PDE8B: variants seen among roughly 807,000 people sequenced by gnomAD.
PDE8B encodes the protein phosphodiesterase 8B.
A neutral mutation model predicts 101.3 loss-of-function variants in PDE8B; 26 were observed. The ratio of observed to expected loss-of-function variants is 0.26; its 90% CI spans 0.19 to 0.36. PDE8B has a LOEUF of 0.36. PDE8B is among the 10% of genes least tolerant of loss of function. PDE8B has a pLI of 1.00. For missense variants in PDE8B, 810 were observed against 1,163.1 expected (o/e 0.70, Z 4.42); for synonymous variants, 424 against 429.3 (o/e 0.99, Z 0.15).
intron 10 of PDE8B, among the ~76,000 whole-genome samples, chr5:77,378,592 G>A (rs951122673): frequency 6.6e-6 from 1 of 151,468 alleles, no homozygotes; most frequent in Non-Finnish European, 1.5e-5. Context: ...ATGGCAAAAT[G>A]TAGATTCCAA....
At chr5:77,260,068 G>A (rs1760151296) in intron 1 of PDE8B, among the ~76,000 whole-genome samples, 2 of 149,320 alleles carry the variant, frequency 1.3e-5, no homozygotes, top group South Asian at 4.2e-4. Context: ...GGAGGCTGAG[G>A]CAGGAGAATC....
chr5:77,226,215 A>T (rs1414797999), intron 1 of PDE8B, among the ~76,000 whole-genome samples: 1 of 147,830 alleles, frequency 6.8e-6, no homozygotes, highest in Non-Finnish European at 1.5e-5. Context: ...ATTCAGAGAC[A>T]TTTAGATTTT....
At chr5:77,387,961 A>G (rs996892089) in intron 10 of PDE8B, among the ~76,000 whole-genome samples, 7 of 152,152 alleles carry the variant, frequency 4.6e-5, no homozygotes, top group African/African-American at 1.7e-4. Context: ...TGGTTATTCT[A>G]GATAGCAATT....
At chr5:77,308,400 GGA>G (rs1368707517) in intron 1 of PDE8B, among the ~76,000 whole-genome samples, 9 of 152,174 alleles carry the variant, frequency 5.9e-5, no homozygotes, top group African/African-American at 2.2e-4. Flanking sequence ...GAGGCTGGGA[GGA>G]GAGAGGCAAA....
chr5:77,196,899 T>C, the PDE8B span, among the ~76,000 whole-genome samples: 1 of 152,140 alleles, frequency 6.6e-6, no homozygotes, highest in Non-Finnish European at 1.5e-5. Flanking sequence ...AAAATATTTC[T>C]TCTTGAGTAT....
chr5:77,372,565 C>T lies in PDE8B; in HGVS notation c.1167+19159C>T, dbSNP rs913418322. Reference sequence around the variant, plus strand: ...GTATCGTGGCCTGGAATTTTTTATGCGGAAAGATTTTTCATAAGAAGATCT... The same window carrying T: ...GTATCGTGGCCTGGAATTTTTTATGTGGAAAGATTTTTCATAAGAAGATCT... On this transcript the variant is annotated intron_variant, in intron 10 of 21. Transcript: ENST00000264917. Among the ~76,000 whole-genome samples the T allele has an allele frequency of 1.2e-4, 19 of 152,110 alleles. 1 individual carries two copies. The highest frequency in any genetic ancestry group is 8.3e-4 in the South Asian group (4 of 4,828).
At chr5:77,106,019 T>A in the PDE8B span, 6 of 152,354 alleles carry the variant, frequency 3.9e-5, no homozygotes, top group African/African-American at 1.4e-4. Flanking sequence ...ATTTAATTGG[T>A]CTGCCTTCAC....
chr5:77,414,850 A>C (rs1795224035), intron 17 of PDE8B, among the ~76,000 whole-genome samples: 1 of 152,168 alleles, frequency 6.6e-6, no homozygotes, highest in East Asian at 1.9e-4. Context: ...TGCAGTCTTG[A>C]GTTAGAGGTG....
At chr5:77,350,706 C>T (rs971143221) in intron 8 of PDE8B, among the ~76,000 whole-genome samples, 1 of 152,164 alleles carries the variant, frequency 6.6e-6, no homozygotes, top group East Asian at 1.9e-4. Context: ...GTTTACCCAC[C>T]TGTAAATTTA....
intron 1 of PDE8B, among the ~76,000 whole-genome samples, chr5:77,257,897 A>C (rs922512781): frequency 6.6e-6 from 1 of 152,102 alleles, no homozygotes; most frequent in Non-Finnish European, 1.5e-5. Flanking sequence ...GTTCGGCTAC[A>C]TGCAACACTC....
At chr5:77,383,302 A>G (rs1787886895) in intron 10 of PDE8B, among the ~76,000 whole-genome samples, 1 of 151,978 alleles carries the variant, frequency 6.6e-6, no homozygotes, top group African/African-American at 2.4e-5. Context: ...TTTTTCTTGT[A>G]AATTTGTTTA....
At chr5:77,327,257 TC>T (rs1291210734) in intron 3 of PDE8B, among the ~76,000 whole-genome samples, 1 of 152,138 alleles carries the variant, frequency 6.6e-6, no homozygotes, top group Admixed American at 6.5e-5. Flanking sequence ...CTAACATGCG[TC>T]CTTGAGCCTC....
the PDE8B span, among the ~76,000 whole-genome samples, chr5:77,161,406 T>C: frequency 6.6e-6 from 1 of 152,200 alleles, no homozygotes; most frequent in Non-Finnish European, 1.5e-5. Context: ...ATCATTTTGA[T>C]TATACATTTG....
chr5:77,271,371 T>G (rs964155476), intron 1 of PDE8B, among the ~76,000 whole-genome samples: 1 of 152,190 alleles, frequency 6.6e-6, no homozygotes, highest in African/African-American at 2.4e-5. Context: ...GGCTGGTACG[T>G]GATCTTGAGA....
At chr5:77,411,328 C>G (rs1166457191) in intron 14 of PDE8B, among the ~76,000 whole-genome samples, 1 of 152,106 alleles carries the variant, frequency 6.6e-6, no homozygotes, top group Non-Finnish European at 1.5e-5. Context: ...AGGGGGATCC[C>G]GTCAAGATCT....
At chr5:77,323,958 T>C (rs1775563408) in intron 2 of PDE8B, among the ~76,000 whole-genome samples, 1 of 152,140 alleles carries the variant, frequency 6.6e-6, no homozygotes, top group Admixed American at 6.5e-5. Flanking sequence ...AGACTCCATC[T>C]CAAAAACAAA....
chr5:77,426,403 C>A, intron 21 of PDE8B, 42 bp from the exon 22 acceptor site: 2 of 1,342,450 alleles, frequency 1.5e-6, no homozygotes, highest in Non-Finnish European at 2.1e-6. Flanking sequence ...CTCCTGGGGT[C>A]TAAGTTCACC....
intron 10 of PDE8B, among the ~76,000 whole-genome samples, chr5:77,370,520 A>G (rs1784903986): frequency 6.6e-6 from 1 of 152,202 alleles, no homozygotes; most frequent in African/African-American, 2.4e-5. Flanking sequence ...GCACTGTTCT[A>G]TTGCATGGAT....
intron 10 of PDE8B, among the ~76,000 whole-genome samples, chr5:77,368,119 A>G (rs1784466727): frequency 6.6e-6 from 1 of 152,234 alleles, no homozygotes; most frequent in Non-Finnish European, 1.5e-5. Context: ...TAGAGAAGAA[A>G]GTGTAATTTT....
Sources: allele counts gnomAD v4.1 joint callset (sites outside exome capture counted in the v4.1 genomes callset), GRCh38; gene constraint gnomAD v4.1.1; transcripts MANE v1.5; gene names NCBI Gene and HGNC (gene_info 2026-07-23, HGNC 2026-07-21).